CA10: variants seen among roughly 807,000 people sequenced by gnomAD.
CA10 encodes carbonic anhydrase 10 (inactive), also known as carbonic anhydrase-related protein 10.
A neutral mutation model predicts 44.2 loss-of-function variants in CA10; 14 were observed. The ratio of observed to expected loss-of-function variants is 0.32; its 90% CI spans 0.21 to 0.50. The LOEUF is 0.50. Among genes scored for constraint, CA10 ranks in the 20% least tolerant of loss-of-function variants. The pLI, the probability that CA10 is intolerant of heterozygous loss-of-function variation, is 0.99. For synonymous variants in CA10, 159 were observed against 141.6 expected, an observed-to-expected ratio of 1.12 and a Z score of -0.87; for missense variants, 350 against 409.7, an observed-to-expected ratio of 0.85 and a Z score of 1.26.
intron 3 of CA10, among the ~76,000 whole-genome samples, chr17:51,850,235 A>G (rs1456742105): frequency 6.6e-6 from 1 of 152,244 alleles, no homozygotes; most frequent in East Asian, 1.9e-4. Flanking sequence ...TGGCATATGT[A>G]TAAATCTGTC....
intron 4 of CA10, among the ~76,000 whole-genome samples, chr17:51,715,224 G>C (rs1352252453): frequency 6.6e-6 from 1 of 152,048 alleles, no homozygotes; most frequent in Non-Finnish European, 1.5e-5. Flanking sequence ...TGTGGGGTGG[G>C]GGGTGGAGGG....
chr17:52,134,783 G>A, intron 1 of CA10: 1 of 492,528 alleles, frequency 2.0e-6, no homozygotes, highest in Admixed American at 2.0e-5. Flanking sequence ...GGTTATGCAT[G>A]ACAGCTGCCT....
chr17:52,106,909 G>C (rs9891621), intron 1 of CA10, among the ~76,000 whole-genome samples: 95,035 of 152,148 alleles, frequency 0.62, 31,391 homozygotes, highest in African/African-American at 0.83. Flanking sequence ...TTTTTAGAAA[G>C]TATTGGCCTT....
At chr17:51,847,072 C>T (rs1231739783) in intron 3 of CA10, among the ~76,000 whole-genome samples, 1 of 152,162 alleles carries the variant, frequency 6.6e-6, no homozygotes, top group African/African-American at 2.4e-5. Context: ...CCCTGGATGA[C>T]AGCTAGGGAA....
chr17:52,157,942 G>T lies in CA10; in HGVS notation c.-156C>A, dbSNP rs550856962. On this transcript the variant is annotated 5_prime_UTR_variant, in exon 1 of 9. Transcript: ENST00000451037. Reference sequence around the variant, plus strand: ...GCCGGCCAGGGACAGTCACCCCCAAGATCAATATCGCAGTTTGAATTGTTC... The same window carrying T: ...GCCGGCCAGGGACAGTCACCCCCAATATCAATATCGCAGTTTGAATTGTTC... 6 of 691,298 alleles carry T rather than the reference G, an allele frequency of 8.7e-6. No homozygotes were observed. Among genetic ancestry groups the T allele is most frequent in the Admixed American group, 6.4e-5 (3 of 47,060 alleles). The allele number at this position is 691,298 out of a possible 1,614,324, so 42.8% of individuals were successfully genotyped here. A position where few individuals can be genotyped will look rare whatever the true frequency, so the allele number is the denominator to read the frequency against.
At chr17:52,095,170 A>G (rs1988372115) in intron 1 of CA10, among the ~76,000 whole-genome samples, 1 of 152,170 alleles carries the variant, frequency 6.6e-6, no homozygotes, top group African/African-American at 2.4e-5. Flanking sequence ...CTTGAACAAC[A>G]TAGGTGAGTC....
At chr17:52,031,153 CTCTT>C (rs1012551430) in intron 2 of CA10, among the ~76,000 whole-genome samples, 10 of 131,442 alleles carry the variant, frequency 7.6e-5, no homozygotes, top group African/African-American at 2.5e-4. Context: ...ATGACTTCAA[CTCTT>C]TTTTTTTTTT....
At chr17:52,046,907 A>T (rs570283613) in intron 2 of CA10, among the ~76,000 whole-genome samples, 1 of 152,062 alleles carries the variant, frequency 6.6e-6, no homozygotes, top group Non-Finnish European at 1.5e-5. Flanking sequence ...TTAATTCACC[A>T]TTTTAACACA....
intron 3 of CA10, among the ~76,000 whole-genome samples, chr17:51,823,473 C>T (rs905267804): frequency 2.0e-5 from 3 of 152,208 alleles, no homozygotes; most frequent in South Asian, 2.1e-4. Context: ...CCAGTTCTGC[C>T]CATCATTTTT....
intron 3 of CA10, among the ~76,000 whole-genome samples, chr17:51,820,882 T>C (rs1907754688): frequency 6.6e-6 from 1 of 152,104 alleles, no homozygotes; most frequent in African/African-American, 2.4e-5. Context: ...TTCTTTTTGG[T>C]AGAATAACTG....
intron 2 of CA10, among the ~76,000 whole-genome samples, chr17:52,069,517 G>A (rs1049042521): frequency 1.3e-5 from 2 of 152,194 alleles, no homozygotes; most frequent in Non-Finnish European, 2.9e-5. Flanking sequence ...TCCCAATACT[G>A]TGTTGCCTCC....
At chr17:51,730,658 TTAA>T (rs1215749485) in intron 4 of CA10, among the ~76,000 whole-genome samples, 1 of 152,216 alleles carries the variant, frequency 6.6e-6, no homozygotes, top group East Asian at 1.9e-4. Context: ...ATCTTCCATA[TTAA>T]AGGTCCACTG....
chr17:51,983,570 G>T (rs1451317943), intron 2 of CA10, among the ~76,000 whole-genome samples: 1 of 149,526 alleles, frequency 6.7e-6, no homozygotes, highest in Non-Finnish European at 1.5e-5. Flanking sequence ...TAAAAAAGGT[G>T]TTTTTTTTTC....
chr17:51,890,376 A>G (rs1424295057), intron 3 of CA10, among the ~76,000 whole-genome samples: 3 of 152,168 alleles, frequency 2.0e-5, no homozygotes, highest in Non-Finnish European at 4.4e-5. Flanking sequence ...CCATTTGCTC[A>G]ATATTTTTGA....
intron 2 of CA10, among the ~76,000 whole-genome samples, chr17:51,990,270 T>C: frequency 6.6e-6 from 1 of 152,188 alleles, no homozygotes; most frequent in East Asian, 1.9e-4. Flanking sequence ...TCAAGATCCC[T>C]GTTTTATAGG....
intron 2 of CA10, among the ~76,000 whole-genome samples, chr17:52,028,922 C>T (rs912346834): frequency 1.3e-5 from 2 of 152,230 alleles, no homozygotes; most frequent in Admixed American, 6.5e-5. Flanking sequence ...TACGCTAAAA[C>T]TCTTCCCAAC....
intron 2 of CA10, among the ~76,000 whole-genome samples, chr17:52,007,035 AT>A (rs920591415): frequency 2.3e-4 from 35 of 151,498 alleles, no homozygotes; most frequent in Non-Finnish European, 4.3e-4. Context: ...ATCAATGGAA[AT>A]TTTTTTCCTA....
chr17:51,834,660 A>G (rs1208039499), intron 3 of CA10, among the ~76,000 whole-genome samples: 6 of 152,220 alleles, frequency 3.9e-5, no homozygotes, highest in Non-Finnish European at 8.8e-5. Flanking sequence ...GTGACAAAGT[A>G]ATAAGGCTTT....
intron 3 of CA10, among the ~76,000 whole-genome samples, chr17:51,909,258 A>T (rs866838853): frequency 2.0e-5 from 3 of 152,136 alleles, no homozygotes; most frequent in Non-Finnish European, 4.4e-5. Context: ...AGATGACTGG[A>T]TGTCATCCCT....
Sources: gnomAD v4.1 joint callset for allele counts (sites outside exome capture counted in the v4.1 genomes callset) on GRCh38, gnomAD v4.1.1 for gene constraint, MANE v1.5 for transcripts, NCBI Gene and HGNC (gene_info 2026-07-23, HGNC 2026-07-21) for gene names.